CFAP65: variants seen among roughly 807,000 people sequenced by gnomAD.
CFAP65 encodes the protein cilia and flagella associated protein 65.
CFAP65 carries 155 observed loss-of-function variants against 208.0 expected under a neutral mutation model. The observed-to-expected ratio is 0.75, with a 90% confidence interval of 0.65 to 0.85. The LOEUF (loss-of-function observed/expected upper bound fraction) is 0.85, where lower values mean the gene tolerates loss of function less well. CFAP65 is among the 40% of genes least tolerant of loss of function. CFAP65 has a pLI of 0.00. For synonymous variants in CFAP65, 970 were observed against 986.3 expected, an observed-to-expected ratio of 0.98 and a Z score of 0.31; for missense variants, 2,294 against 2,451.3, an observed-to-expected ratio of 0.94 and a Z score of 1.36.
At position 219,009,936 on chromosome 2, in the gene CFAP65, T is replaced by G; in HGVS notation, c.4452+6A>C. The G allele has an allele frequency of 6.2e-7, 1 of 1,605,508 alleles. No homozygotes were observed. Among genetic ancestry groups the G allele is most frequent in the Non-Finnish European group, 8.5e-7 (1 of 1,176,506 alleles). On this transcript the variant is annotated splice_donor_region_variant and intron_variant, in intron 27 of 34. Transcript: ENST00000341552. ...ATGGAGGTTCCAGGGCTCAGGGGAC[T>G]CTCACCTCCCCAAAATCTAGAGGAC...
intron 13 of CFAP65, chr2:219,026,451 C>T (rs1337160165): frequency 5.6e-5 from 16 of 285,798 alleles, no homozygotes; most frequent in Admixed American, 1.5e-4. Flanking sequence ...CCTAGAGAAG[C>T]GCTGGCCAAT....
In CFAP65 at chr2:219,022,279, T is replaced by C. The variant is rs1947317693; in HGVS notation, c.2871A>G (p.Gln957=). The part of the protein sequence containing the change: ...SPLEETKYLF[Q]VGMWVWEAGL... ...CGGCTTCCCAGACCCACATCCCCAC[T>C]TGGAACAGGTACTTGGTCTCCTCCA... Residue 957 remains glutamine, a synonymous_variant, in exon 17 of 35, where the codon CAA becomes CAG. Transcript: ENST00000341552. The C allele has an allele frequency of 6.2e-7, 1 of 1,607,708 alleles. No individual in the cohort carries two copies.
chr2:219,036,695 T>C (rs1355964345), intron 4 of CFAP65, among the ~76,000 whole-genome samples: 1 of 152,190 alleles, frequency 6.6e-6, no homozygotes, highest in Non-Finnish European at 1.5e-5. Context: ...CCACCCACCT[T>C]GGCCTCCCAA....
rs1948124995 is a variant in CFAP65 at position 219,032,604 on chromosome 2, G to A, written c.543-32C>T. The A allele has an allele frequency of 6.4e-7, 1 of 1,550,964 alleles. No homozygotes were observed. The highest frequency in any genetic ancestry group is 1.4e-5 in the African/African-American group (1 of 73,362). On this transcript the variant is annotated intron_variant, in intron 5 of 34. Transcript: ENST00000341552. This position sits in a 1 kb window ranked among gnomAD's most constrained non-coding sequence, Gnocchi z 5.5. Reference sequence around the variant, plus strand: ...GAGAGAGCCGGTGGGGAGCACCTCAGATCAGGGCTCAGAACAACTGGAAGA... The same window carrying A: ...GAGAGAGCCGGTGGGGAGCACCTCAAATCAGGGCTCAGAACAACTGGAAGA...
chr2:219,013,212 T>A, intron 24 of CFAP65, 47 bp downstream of exon 24: 1 of 1,293,794 alleles, frequency 7.7e-7, no homozygotes, highest in East Asian at 2.3e-5. Flanking sequence ...TACCTAGAGA[T>A]CAACACTTAG....
At chr2:219,007,850 G>A (rs1473985582) in intron 29 of CFAP65, among the ~76,000 whole-genome samples, 23 of 149,700 alleles carry the variant, frequency 1.5e-4, no homozygotes, top group Admixed American at 8.7e-4. Context: ...AGTCTCGCTC[G>A]CTCTGTCGCC....
At chr2:219,028,122 G>GTGCCCATGGGACCCTGGGGGCATGGGAT (rs1947770842) in intron 12 of CFAP65, 79 bp downstream of exon 12, 2 of 1,569,934 alleles carry the variant, frequency 1.3e-6, no homozygotes, top group Non-Finnish European at 1.7e-6. Flanking sequence ...ACTACTAATG[G>GTGCCCATGGGACCCTGGGGGCATGGGAT]TGCCCATGGG....
intron 4 of CFAP65, among the ~76,000 whole-genome samples, chr2:219,036,112 C>G (rs1948341421): frequency 6.6e-6 from 1 of 152,180 alleles, no homozygotes; most frequent in South Asian, 2.1e-4. Context: ...CTTTTCCAGA[C>G]CACATTTCCC....
At position 219,010,670 on chromosome 2, in the gene CFAP65, G is replaced by A. The variant is rs1224357948; in HGVS notation, c.4184C>T (p.Ser1395Leu). The A allele has an allele frequency of 4.3e-6, 7 of 1,610,524 alleles. No individual in the cohort carries two copies. In the East Asian group the frequency reaches 6.7e-5, roughly 15 times the overall value. Residue 1395 changes from serine to leucine, a missense_variant, in exon 26 of 35, where the codon TCG becomes TTG. By Grantham distance (145) the Ser-to-Leu change is moderately radical (BLOSUM62 -2). Around this residue, in one of 2 missense-constraint regions of CFAP65, gnomAD observed 1,427 missense variants for 1,438.7 expected, o/e 0.99. Transcript: ENST00000341552. ...CACTCCCTGGAAGTGGATGAGGGCC[G>A]AGTTCCATCCCAGGATGTGTATGGG... ...DVPIHILGWNSALIHFQGVGY... is the reference protein window; with the variant it reads ...DVPIHILGWNLALIHFQGVGY...
rs962814898 is a variant in CFAP65 at position 219,006,240 on chromosome 2, A to T, written c.4720-17T>A. ...AGGCAGTGTCTTTGGGAAGGGAGGG[A>T]CATGGATGACAAGGGTTTGGGCACC... On this transcript the variant is annotated splice_polypyrimidine_tract_variant and intron_variant, in intron 30 of 34. Coordinates refer to ENST00000341552, the MANE Select transcript of CFAP65 (RefSeq NM_194302.4). The T allele has an allele frequency of 1.3e-6, 2 of 1,598,564 alleles. No individual in the cohort carries two copies.
chr2:219,013,409 G>A lies in CFAP65; in HGVS notation c.3847-40C>T, dbSNP rs778640496. The A allele has an allele frequency of 1.9e-6, 3 of 1,551,754 alleles. No individual in the cohort carries two copies. In the South Asian group the frequency reaches 3.5e-5, roughly 18 times the overall value. ...TCCCCCGGAGGAACTGACACAGCCA[G>A]TGGAGATCTGGACCCCAGTTCCCCA... On this transcript the variant is annotated intron_variant, in intron 23 of 34. Coordinates refer to ENST00000341552, the MANE Select transcript of CFAP65 (RefSeq NM_194302.4).
At chr2:219,023,122 A>G (rs1395935598) in intron 16 of CFAP65, 85 bp downstream of exon 16, 2 of 1,187,462 alleles carry the variant, frequency 1.7e-6, no homozygotes, top group African/African-American at 3.0e-5. Flanking sequence ...GGGGCTGCAC[A>G]TGGCAAGTCT....
chr2:219,027,990 G>T lies in CFAP65; in HGVS notation c.1871C>A (p.Ala624Asp). ...IPIQDLEDMP[A>D]PQYPYIPPMT... is the part of the protein sequence containing the mutation. Reference sequence around the variant, plus strand: ...GGGGGGGATATAAGGGTACTGCGGGGCCGGCATGTCCTCCAGATCCTGCAT... The same window carrying T: ...GGGGGGGATATAAGGGTACTGCGGGTCCGGCATGTCCTCCAGATCCTGCAT... The change falls in exon 13 of 35, where the codon GCC becomes GAC. Residue 624 changes from alanine (A) to aspartate (D), a missense_variant. Ala to Asp is a moderately radical substitution (Grantham distance 126). This residue lies in a region of CFAP65 where 867 missense variants were observed against 1,012.6 expected (regional missense o/e 0.86). Transcript: ENST00000341552. 2 of 1,517,764 alleles carry T rather than the reference G, an allele frequency of 1.3e-6. No individual in the cohort carries two copies. Among genetic ancestry groups the T allele is most frequent in the Non-Finnish European group, 8.8e-7 (1 of 1,134,706 alleles). The allele number at this position is 1,517,764 out of a possible 1,614,324, so 94.0% of individuals were successfully genotyped here.
intron 29 of CFAP65, among the ~76,000 whole-genome samples, chr2:219,007,362 A>G (rs1470011725): frequency 1.3e-5 from 2 of 151,662 alleles, no homozygotes; most frequent in African/African-American, 4.8e-5. Flanking sequence ...TTATTTCTGT[A>G]GTGGCAGGGT....
rs1047094620 is a variant in CFAP65 at position 219,005,583 on chromosome 2, T to G, written c.4923-21A>C. On this transcript the variant is annotated intron_variant, in intron 31 of 34. Transcript: ENST00000341552. ...GCTCCCTGTGGCAGCCATGACATTCTGAGTGGCCTGGGCAAGCCACCATGC... is the reference window on the plus strand; with the variant it reads ...GCTCCCTGTGGCAGCCATGACATTCGGAGTGGCCTGGGCAAGCCACCATGC... 1.9e-6 allele frequency: 3 copies of G among 1,610,352 alleles called. No homozygotes were observed. The African/African-American group carries it at 4.0e-5, about 22-fold the overall frequency.
Position 219,017,809 on chromosome 2 carries a change from C to T in CFAP65, c.3602+1242G>A, listed in dbSNP as rs114439935. 4.8e-3 allele frequency among the ~76,000 whole-genome samples: 736 copies of T among 152,350 alleles called. 8 individuals are homozygous for T. The highest frequency in any genetic ancestry group is 0.017 in the African/African-American group (697 of 41,578). The stretch of plus-strand genomic sequence containing the variant: ...CCTGGAGCCCTGTAGGGCCTGGCTC[C>T]GGGCCCACTCAAAGAGCCCAGTGAA... On this transcript the variant is annotated intron_variant, in intron 21 of 34. Coordinates refer to ENST00000341552, the MANE Select transcript of CFAP65 (RefSeq NM_194302.4).
intron 31 of CFAP65, 87 bp downstream of exon 31, chr2:219,005,934 T>C (rs1160678384): frequency 7.6e-7 from 1 of 1,314,524 alleles, no homozygotes; most frequent in East Asian, 2.5e-5. Context: ...CCCCTCACCA[T>C]GGGTTGGGTC....
intron 21 of CFAP65, among the ~76,000 whole-genome samples, chr2:219,017,226 G>A (rs185396589): frequency 6.6e-6 from 1 of 152,332 alleles, no homozygotes; most frequent in African/African-American, 2.4e-5. Flanking sequence ...AACAAATGAT[G>A]TTAACCAGCA....
At chr2:219,011,221 TTTTA>T (rs1486146264) in intron 24 of CFAP65, among the ~76,000 whole-genome samples, 1 of 152,132 alleles carries the variant, frequency 6.6e-6, no homozygotes, top group East Asian at 1.9e-4. Flanking sequence ...GAGTAGCTTA[TTTTA>T]TTTGTCTTCA....
Sources: gnomAD v4.1 joint callset for allele counts (sites outside exome capture counted in the v4.1 genomes callset) on GRCh38, gnomAD v4.1.1 for gene constraint, gnomAD v4.1.1 regional missense constraint, Gnocchi (gnomAD v3.1) non-coding constraint, MANE v1.5 for transcripts, NCBI Gene and HGNC (gene_info 2026-07-23, HGNC 2026-07-21) for gene names.